Variants in TMEM182 observed in about 807,000 individuals in gnomAD.
TMEM182 encodes transmembrane protein 182.
TMEM182 carries 20 observed loss-of-function variants against 26.8 expected under a neutral mutation model. The ratio of observed to expected loss-of-function variants is 0.75; its 90% CI spans 0.53 to 1.09. The LOEUF is 1.09. TMEM182 is among the 50% of genes least tolerant of loss of function. The pLI is 0.00. For synonymous variants in TMEM182, 109 were observed against 102.2 expected (o/e 1.07, Z -0.40); for missense variants, 277 against 275.5 (o/e 1.01, Z -0.04).
At chr2:102,779,476 T>C (rs957652929) in intron 3 of TMEM182, among the ~76,000 whole-genome samples, 2 of 152,196 alleles carry the variant, frequency 1.3e-5, no homozygotes, top group Non-Finnish European at 2.9e-5. Flanking sequence ...GACCTTTTGT[T>C]ATAATTCTAC....
chr2:102,835,234 T>A (rs915140273), intron 3 of TMEM182, among the ~76,000 whole-genome samples: 1 of 152,230 alleles, frequency 6.6e-6, no homozygotes, highest in African/African-American at 2.4e-5. Context: ...TTTGGCTACA[T>A]GTAACATTGG....
chr2:102,779,832 A>G (rs566543120), intron 3 of TMEM182, among the ~76,000 whole-genome samples: 246 of 152,090 alleles, frequency 1.6e-3, no homozygotes, highest in African/African-American at 5.7e-3. Context: ...CACCCTCTCT[A>G]CTAAAAATAC....
At chr2:102,771,845 T>C (rs1033903689) in intron 3 of TMEM182, among the ~76,000 whole-genome samples, 10 of 152,118 alleles carry the variant, frequency 6.6e-5, no homozygotes, top group African/African-American at 2.4e-4. Context: ...TTGTGGGATG[T>C]TTAGTGGCAC....
chr2:102,737,321 A>T (rs1221010821), intron 1 of TMEM182, among the ~76,000 whole-genome samples: 1 of 152,220 alleles, frequency 6.6e-6, no homozygotes, highest in South Asian at 2.1e-4. Flanking sequence ...GCTTCTTAAG[A>T]TCCTTTCTGG....
chr2:102,826,219 G>A (rs1293833888), intron 3 of TMEM182, among the ~76,000 whole-genome samples: 3 of 151,896 alleles, frequency 2.0e-5, no homozygotes, highest in Admixed American at 6.6e-5. Flanking sequence ...GGATGCCCTC[G>A]GGTAAGTTAC....
rs924311105 is a variant in TMEM182 at position 102,817,058 on chromosome 2, A to T, written c.*2090A>T. 2 of 985,462 alleles carry T rather than the reference A, an allele frequency of 2.0e-6. No homozygotes were observed. Among genetic ancestry groups the T allele is most frequent in the South Asian group, 9.4e-5 (2 of 21,292 alleles). 61.0% of individuals were successfully genotyped at this position (985,462 alleles called of 1,614,324 possible). A position where few individuals can be genotyped will look rare whatever the true frequency, so the allele number is the denominator to read the frequency against. ...TATAGTTGTAATGCATCAATCAAAT[A>T]CATTTCAAGCACATTTCTTGATCAA... On this transcript the variant is annotated 3_prime_UTR_variant, in exon 5 of 5. Transcript: ENST00000412401.
chr2:102,747,664 C>A (rs1047617427), intron 1 of TMEM182, among the ~76,000 whole-genome samples: 2 of 152,034 alleles, frequency 1.3e-5, no homozygotes, highest in East Asian at 3.9e-4. Flanking sequence ...AAAACAACAA[C>A]AGGATCTTTA....
intron 3 of TMEM182, among the ~76,000 whole-genome samples, chr2:102,824,869 G>A (rs542646713): frequency 1.3e-5 from 2 of 152,082 alleles, no homozygotes; most frequent in East Asian, 1.9e-4. Context: ...CTTCCCTTTC[G>A]CCTTCTGCCA....
Position 102,837,951 on chromosome 2 carries a change from T to G in TMEM182, c.326-5461T>G, listed in dbSNP as rs941483169. ...AAACACAGGGCCCCTTGTTGAAAAA[T>G]TACTGAGAATTTCAAGACGGCGGCA... On this transcript the variant is annotated intron_variant, in intron 3 of 3. Transcript: ENST00000486293. 6.6e-5 allele frequency among the ~76,000 whole-genome samples: 10 copies of G among 152,014 alleles called. 1 individual carries two copies. Among genetic ancestry groups the G allele is most frequent in the South Asian group, 6.2e-4 (3 of 4,808 alleles).
chr2:102,837,430 G>A (rs1402275067), intron 3 of TMEM182, among the ~76,000 whole-genome samples: 2 of 152,064 alleles, frequency 1.3e-5, no homozygotes, highest in African/African-American at 4.8e-5. Flanking sequence ...TAATAGGGTG[G>A]AGATTCTGTT....
chr2:102,789,420 A>C (rs1336215984), intron 3 of TMEM182, among the ~76,000 whole-genome samples: 1 of 152,206 alleles, frequency 6.6e-6, no homozygotes, highest in Admixed American at 6.5e-5. Flanking sequence ...TGCAAATTAT[A>C]TTATGCAAAA....
intron 4 of TMEM182, among the ~76,000 whole-genome samples, chr2:102,811,256 C>T (rs946798487): frequency 1.3e-5 from 2 of 151,926 alleles, no homozygotes; most frequent in African/African-American, 2.4e-5. Context: ...AGTTTAGGCT[C>T]TGTATTTTTG....
chr2:102,781,767 A>C (rs1161466084), intron 3 of TMEM182, among the ~76,000 whole-genome samples: 2 of 152,206 alleles, frequency 1.3e-5, no homozygotes, highest in Non-Finnish European at 2.9e-5. Flanking sequence ...TGTCCAGAGC[A>C]ATGTAGAAAA....
At chr2:102,832,857 G>A (rs1443425762) in intron 3 of TMEM182, among the ~76,000 whole-genome samples, 1 of 152,116 alleles carries the variant, frequency 6.6e-6, no homozygotes, top group Non-Finnish European at 1.5e-5. Flanking sequence ...TTTTTGAATA[G>A]TTTAGAATTT....
In TMEM182 at chr2:102,808,672, A is replaced by G. The variant is rs2104748237; in HGVS notation, c.470-6076A>G. Among the ~76,000 whole-genome samples, 2 of 152,346 alleles carry G rather than the reference A, an allele frequency of 1.3e-5. 1 individual carries two copies. Among genetic ancestry groups the G allele is most frequent in the Admixed American group, 1.3e-4 (2 of 15,302 alleles). On this transcript the variant is annotated intron_variant, in intron 4 of 4. Transcript: ENST00000412401. ...AGTAGTTTCATTCATAATAGTTAGA[A>G]CAACCCAAATGTTTATCAGTGGATA... is the stretch of plus-strand genomic sequence containing the variant.
At chr2:102,758,580 C>G (rs1297234340), upstream of TMEM182, 7 of 689,974 alleles carry the variant, frequency 1.0e-5, no homozygotes, top group Non-Finnish European at 1.9e-5. Flanking sequence ...AAATCCAGCT[C>G]TCCAGAGCTT....
intron 3 of TMEM182, among the ~76,000 whole-genome samples, chr2:102,778,136 T>C (rs541628716): frequency 1.3e-5 from 2 of 152,050 alleles, no homozygotes; most frequent in Non-Finnish European, 2.9e-5. Context: ...TGTGGATTTG[T>C]CTATCTCCCT....
intron 1 of TMEM182, among the ~76,000 whole-genome samples, chr2:102,747,343 A>G (rs1335015570): frequency 6.6e-6 from 1 of 152,208 alleles, no homozygotes; most frequent in African/African-American, 2.4e-5. Context: ...CATCATCTGT[A>G]TAGTCTCAGT....
Position 102,817,230 on chromosome 2 carries a change from G to A in TMEM182, c.*2262G>A. 1.0e-6 allele frequency: 1 copy of A among 985,348 alleles called. No individual in the cohort carries two copies. Among genetic ancestry groups the A allele is most frequent in the Non-Finnish European group, 1.2e-6 (1 of 829,878 alleles). The allele number at this position is 985,348 out of a possible 1,614,324, so 61.0% of individuals were successfully genotyped here. On this transcript the variant is annotated 3_prime_UTR_variant, in exon 5 of 5. Coordinates refer to ENST00000412401, the MANE Select transcript of TMEM182 (RefSeq NM_144632.5). ...AGATACTGTGTTGCCAAATGTCCATGTTATGTTTATTTCTCTATTGGTTGT... is the reference window on the plus strand; with the variant it reads ...AGATACTGTGTTGCCAAATGTCCATATTATGTTTATTTCTCTATTGGTTGT...
Sources: allele counts gnomAD v4.1 joint callset (sites outside exome capture counted in the v4.1 genomes callset), GRCh38; gene constraint gnomAD v4.1.1; transcripts MANE v1.5; gene names NCBI Gene and HGNC (gene_info 2026-07-23, HGNC 2026-07-21).